ENOX2: variants seen among roughly 807,000 people sequenced by gnomAD.
ENOX2 encodes ecto-NOX disulfide-thiol exchanger 2, also known as APK1 antigen.
A neutral mutation model predicts 45.0 loss-of-function variants in ENOX2; 36 were observed. That is an observed-to-expected ratio of 0.80 (90% CI 0.61 to 1.06). The LOEUF (loss-of-function observed/expected upper bound fraction) is 1.06. Among genes scored for constraint, ENOX2 ranks in the 50% least tolerant of loss-of-function variants. The probability of loss-of-function intolerance (pLI) is 0.00; values close to 1 mark genes in which losing one functional copy is unlikely to be tolerated. For missense variants in ENOX2, 423 were observed against 462.5 expected, an observed-to-expected ratio of 0.91 and a Z score of 0.78; for synonymous variants, 174 against 152.3, an observed-to-expected ratio of 1.14 and a Z score of -1.05.
intron 10 of ENOX2, chrX:130,645,940 A>G: frequency 1.4e-6 from 1 of 693,442 alleles, no homozygotes; most frequent in Non-Finnish European, 2.4e-6. Flanking sequence ...CGTCCCAGCA[A>G]TCAGTGCCAC....
At chrX:130,781,158 C>T (rs943157961) in intron 3 of ENOX2, among the ~76,000 whole-genome samples, 1 of 111,892 alleles carries the variant, frequency 8.9e-6, no homozygotes, top group Non-Finnish European at 1.9e-5. Flanking sequence ...TTATAAAAGA[C>T]TCCTTGTATA....
intron 3 of ENOX2, among the ~76,000 whole-genome samples, chrX:130,705,721 G>A (rs1055766187): frequency 9.0e-6 from 1 of 111,265 alleles, no homozygotes; most frequent in East Asian, 2.8e-4. Flanking sequence ...AGGTGGGAAG[G>A]GCTCCCTGGC....
At chrX:130,671,917 A>G (rs1460622421) in intron 6 of ENOX2, among the ~76,000 whole-genome samples, 1 of 112,421 alleles carries the variant, frequency 8.9e-6, no homozygotes, top group African/African-American at 3.2e-5. Flanking sequence ...GTAAACTTTA[A>G]TAAAAAAATT....
At chrX:130,704,512 G>T (rs1038601038) in intron 3 of ENOX2, among the ~76,000 whole-genome samples, 6 of 111,011 alleles carry the variant, frequency 5.4e-5, no homozygotes, top group African/African-American at 2.0e-4. Context: ...ACTACTGATA[G>T]CCATAGAAAA....
intron 6 of ENOX2, 74 bp downstream of exon 6, chrX:130,679,468 A>G (rs992372955): frequency 4.5e-6 from 4 of 895,355 alleles, no homozygotes; most frequent in Middle Eastern, 4.0e-4. Context: ...CTTATCTGCT[A>G]TAGACACAAA....
chrX:130,750,402 G>A lies in ENOX2; in HGVS notation c.-39+33145C>T, dbSNP rs749612651. 1.6e-4 allele frequency among the ~76,000 whole-genome samples: 18 copies of A among 111,270 alleles called. 1 individual carries two copies. In the South Asian group the frequency reaches 6.6e-3, roughly 41 times the overall value. The stretch of plus-strand genomic sequence containing the variant: ...TGTACTCTGGTTATCTGTCCAATCT[G>A]TCTGCCTGTTTCTCCACCAGCCTGT... On this transcript the variant is annotated intron_variant, in intron 3 of 14. Coordinates refer to ENST00000394363, the MANE Select transcript of ENOX2 (RefSeq NM_006375.4).
intron 2 of ENOX2, among the ~76,000 whole-genome samples, chrX:130,803,644 G>A (rs752573078): frequency 7.2e-5 from 8 of 111,445 alleles, no homozygotes; most frequent in Non-Finnish European, 1.1e-4. Context: ...GATAGGAGCT[G>A]GAATAACTTT....
At chrX:130,709,762 T>A (rs1347569584) in intron 3 of ENOX2, among the ~76,000 whole-genome samples, 3 of 109,212 alleles carry the variant, frequency 2.7e-5, no homozygotes, top group Non-Finnish European at 3.8e-5. Context: ...AGAAAAATGA[T>A]GAATAATAGT....
chrX:130,882,252 C>G (rs765707221), intron 2 of ENOX2, among the ~76,000 whole-genome samples: 1 of 104,110 alleles, frequency 9.6e-6, no homozygotes, highest in East Asian at 3.1e-4. Flanking sequence ...ATATAGAGAG[C>G]GTTGTGTAGT....
At chrX:130,752,992 C>G (rs1023008122) in intron 3 of ENOX2, among the ~76,000 whole-genome samples, 7 of 110,615 alleles carry the variant, frequency 6.3e-5, no homozygotes, top group Non-Finnish European at 1.3e-4. Flanking sequence ...CACATTCTAA[C>G]TCTTCATCTC....
intron 2 of ENOX2, among the ~76,000 whole-genome samples, chrX:130,826,441 A>G (rs2148477602): frequency 8.9e-6 from 1 of 112,157 alleles, no homozygotes; most frequent in African/African-American, 3.2e-5. Flanking sequence ...TGTGCCTCAG[A>G]AGTGCTAGCA....
intron 4 of ENOX2, among the ~76,000 whole-genome samples, chrX:130,697,519 C>T (rs73229067): frequency 1.6e-3 from 174 of 111,803 alleles, no homozygotes; most frequent in Non-Finnish European, 2.5e-3. Context: ...AAAGGAAGGC[C>T]TTTGAGCTGT....
intron 2 of ENOX2, among the ~76,000 whole-genome samples, chrX:130,787,105 G>A (rs1406933121): frequency 2.8e-5 from 3 of 105,934 alleles, no homozygotes; most frequent in Non-Finnish European, 5.8e-5. Context: ...TCTAACTGGT[G>A]TGAGATGATA....
chrX:130,834,384 TG>T (rs2148491347), intron 2 of ENOX2, among the ~76,000 whole-genome samples: 1 of 111,568 alleles, frequency 9.0e-6, no homozygotes, highest in South Asian at 3.8e-4. Context: ...TTTCTGGTCT[TG>T]GGCATTTACA....
intron 2 of ENOX2, among the ~76,000 whole-genome samples, chrX:130,885,401 A>G (rs1341302294): frequency 2.7e-5 from 3 of 112,019 alleles, no homozygotes; most frequent in South Asian, 7.4e-4. Flanking sequence ...AATGGAGATC[A>G]TATCACTGAC....
At chrX:130,677,470 T>G in intron 6 of ENOX2, among the ~76,000 whole-genome samples, 1 of 112,293 alleles carries the variant, frequency 8.9e-6, no homozygotes, top group Non-Finnish European at 1.9e-5. Context: ...GATGCTGTCA[T>G]CATGAAATGT....
At chrX:130,840,188 A>C (rs2077990280) in intron 2 of ENOX2, among the ~76,000 whole-genome samples, 1 of 111,942 alleles carries the variant, frequency 8.9e-6, no homozygotes, top group Non-Finnish European at 1.9e-5. Flanking sequence ...TGTTTTAAGT[A>C]GCACAGATTT....
At chrX:130,645,710 C>G in intron 10 of ENOX2, 1 of 692,982 alleles carries the variant, frequency 1.4e-6, no homozygotes, top group Non-Finnish European at 2.1e-6. Flanking sequence ...CCGCGCCCCA[C>G]ATCCACGCTG....
In ENOX2 at chrX:130,703,105, T is replaced by C. The variant is rs746855158; in HGVS notation, c.97+15A>G. 5.0e-6 allele frequency: 6 copies of C among 1,202,603 alleles called. No individual in the cohort carries two copies. Among genetic ancestry groups the C allele is most frequent in the Non-Finnish European group, 6.7e-6 (6 of 890,311 alleles). On this transcript the variant is annotated intron_variant, in intron 4 of 14. Transcript: ENST00000394363. ...ATAAAAATAAGCACTTGCGAGGTGATTAAAAATAACATACCAGGTAAAATT... is the reference window on the plus strand; with the variant it reads ...ATAAAAATAAGCACTTGCGAGGTGACTAAAAATAACATACCAGGTAAAATT...
Sources: gnomAD v4.1 joint callset for allele counts (sites outside exome capture counted in the v4.1 genomes callset) on GRCh38, gnomAD v4.1.1 for gene constraint, MANE v1.5 for transcripts, NCBI Gene and HGNC (gene_info 2026-07-23, HGNC 2026-07-21) for gene names.